Variants in RELB observed in about 807,000 individuals in gnomAD.
RELB encodes transcription factor RelB.
In RELB, 14 loss-of-function variants were observed where a neutral mutation model predicts 55.4. The observed-to-expected ratio is 0.25, with a 90% CI of 0.17 to 0.40. The LOEUF is 0.40. Ranked by LOEUF, RELB falls within the 10% of genes least tolerant of loss-of-function variation. The probability of loss-of-function intolerance (pLI) is 1.00; values close to 1 mark genes in which losing one functional copy is unlikely to be tolerated. For synonymous variants in RELB, 409 were observed against 371.3 expected, an observed-to-expected ratio of 1.10 and a Z score of -1.17; for missense variants, 669 against 830.7, an observed-to-expected ratio of 0.81 and a Z score of 2.39.
intron 2 of RELB, among the ~76,000 whole-genome samples, chr19:45,008,885 T>G (rs746322517): frequency 3.4e-4 from 52 of 152,226 alleles, no homozygotes; most frequent in Non-Finnish European, 6.2e-4. Flanking sequence ...TTTCGATTCC[T>G]CCACGATTCT....
chr19:45,009,822 GGTGA>G lies in RELB; in HGVS notation c.163+3_163+6del. On this transcript the variant is annotated splice_donor_variant and splice_donor_region_variant and intron_variant, in intron 3 of 11. Coordinates refer to ENST00000221452, the MANE Select transcript of RELB (RefSeq NM_006509.4). LOFTEE classifies it high-confidence loss of function. ...TTCTCTTCCTTCCACAGATGAATTGGGTGAGTATCACAGGGCAGGTTTGCGGGGA... is the reference window on the plus strand; with the variant it reads ...TTCTCTTCCTTCCACAGATGAATTGGGTATCACAGGGCAGGTTTGCGGGGA... 6.3e-7 allele frequency: 1 copy of G among 1,598,924 alleles called. No homozygotes were observed. The highest frequency in any genetic ancestry group is 8.5e-7 in the Non-Finnish European group (1 of 1,179,560).
At chr19:45,020,580 C>T (rs1238251979) in intron 4 of RELB, among the ~76,000 whole-genome samples, 4 of 92,968 alleles carry the variant, frequency 4.3e-5, no homozygotes, top group South Asian at 3.3e-4. Context: ...TTTTTTGAGA[C>T]GGAGTCTCGC....
intron 4 of RELB, among the ~76,000 whole-genome samples, chr19:45,018,320 C>T (rs1971445243): frequency 6.6e-6 from 1 of 152,002 alleles, no homozygotes; most frequent in Non-Finnish European, 1.5e-5. Context: ...AGGAGAATGG[C>T]GTGAACCCAG....
At position 45,025,696 on chromosome 19, in the gene RELB, G is replaced by T; in HGVS notation, c.845G>T (p.Arg282Leu). The change falls in exon 7 of 12, where the codon CGC becomes CTC. Residue 282 changes from arginine to leucine, a missense_variant. By Grantham distance (102) the Arg-to-Leu change is moderately radical. Around this residue, in one of 3 missense-constraint regions of RELB, gnomAD observed 341 missense variants for 436.8 expected, o/e 0.78. Coordinates refer to ENST00000221452, the MANE Select transcript of RELB (RefSeq NM_006509.4). ...ASYRDQQGQMRRMDPVLSEPV... is the reference protein window; with the variant it reads ...ASYRDQQGQMLRMDPVLSEPV... ...TATCGGGACCAGCAGGGACAGATGC[G>T]CCGGATGGATCCTGTGCTTTCCGAG... The T allele has an allele frequency of 6.2e-7, 1 of 1,613,996 alleles. No individual in the cohort carries two copies. Among genetic ancestry groups the T allele is most frequent in the Non-Finnish European group, 8.5e-7 (1 of 1,179,890 alleles).
chr19:45,031,072 A>G (rs1440966361), intron 8 of RELB, among the ~76,000 whole-genome samples: 1 of 152,200 alleles, frequency 6.6e-6, no homozygotes, highest in East Asian at 1.9e-4. Flanking sequence ...AAGTCTCAGT[A>G]CATGGAGGTA....
chr19:45,017,448 C>CAAAAAAAAAAA (rs1461588910), intron 4 of RELB, among the ~76,000 whole-genome samples: 1 of 16,692 alleles, frequency 6.0e-5, no homozygotes, highest in African/African-American at 5.7e-4. Flanking sequence ...GAGAATCTGT[C>CAAAAAAAAAAA]TAAAAAAAAA....
chr19:45,022,046 C>G lies in RELB; in HGVS notation c.505-7C>G, dbSNP rs762165224. ...GGGACCCCCAAAGAGGACTTCTCTT[C>G]CTGCAGCTCCGGGATTGTGGAGGGC... On this transcript the variant is annotated splice_region_variant and splice_polypyrimidine_tract_variant and intron_variant, in intron 4 of 11. Coordinates refer to ENST00000221452, the MANE Select transcript of RELB (RefSeq NM_006509.4). The G allele has an allele frequency of 6.2e-7, 1 of 1,603,930 alleles. No individual in the cohort carries two copies. Among genetic ancestry groups the G allele is most frequent in the Admixed American group, 1.7e-5 (1 of 58,946 alleles).
Position 45,022,139 on chromosome 19 carries a change from C to T in RELB, c.591C>T (p.Ser197=). 6.2e-7 allele frequency: 1 copy of T among 1,613,074 alleles called. No individual in the cohort carries two copies. Among genetic ancestry groups the T allele is most frequent in the Non-Finnish European group, 8.5e-7 (1 of 1,179,550 alleles). Reference sequence around the variant, plus strand: ...GGCCTCACCGAGTCCACCCCCACAGCCTCGTGGGGAAAGACTGCACCGACG... The same window carrying T: ...GGCCTCACCGAGTCCACCCCCACAGTCTCGTGGGGAAAGACTGCACCGACG... ...KDWPHRVHPH[S]LVGKDCTDGI... Residue 197 remains serine (S), a synonymous_variant, in exon 5 of 12, where the codon AGC becomes AGT. Transcript: ENST00000221452.
chr19:45,037,589 C>T lies in RELB; in HGVS notation c.1539C>T (p.Ser513=), dbSNP rs762430601. 3.1e-6 allele frequency: 5 copies of T among 1,611,144 alleles called. No individual in the cohort carries two copies. The South Asian group carries it at 4.4e-5, about 14-fold the overall frequency. The change falls in exon 12 of 12, where the codon AGC becomes AGT. Residue 513 remains serine (S), a synonymous_variant. Coordinates refer to ENST00000221452, the MANE Select transcript of RELB (RefSeq NM_006509.4). ...DLLPPAPPHA[S]AVVCSGGAGA... is the part of the protein sequence containing the mutation. ...TGCCCCCGGCACCGCCACACGCTAG[C>T]GCTGTTGTGTGCAGCGGAGGTGCCG...
At chr19:45,035,404 A>T (rs911445829) in intron 11 of RELB, among the ~76,000 whole-genome samples, 4 of 152,068 alleles carry the variant, frequency 2.6e-5, no homozygotes, top group Non-Finnish European at 5.9e-5. Context: ...CTGTAGTCCC[A>T]GCTACTTGGA....
intron 11 of RELB, among the ~76,000 whole-genome samples, chr19:45,036,870 A>G (rs1309739728): frequency 1.3e-5 from 2 of 152,044 alleles, no homozygotes; most frequent in Non-Finnish European, 2.9e-5. Context: ...TTTTGTAGAG[A>G]CAGGGTCTCG....
In RELB at chr19:45,010,481, A is replaced by G. The variant is rs145013465; in HGVS notation, c.163+659A>G. Among the ~76,000 whole-genome samples, 751 of 151,656 alleles carry G rather than the reference A, an allele frequency of 5.0e-3. 5 individuals carry two copies. Among genetic ancestry groups the G allele is most frequent in the African/African-American group, 0.016 (674 of 41,340 alleles). On this transcript the variant is annotated intron_variant, in intron 3 of 11. Coordinates refer to ENST00000221452, the MANE Select transcript of RELB (RefSeq NM_006509.4). Reference sequence around the variant, plus strand: ...AGAGGAAAATGAACAGATGAGCAAGATAATGTTAGCCTGGGCTGAGAGCTG... The same window carrying G: ...AGAGGAAAATGAACAGATGAGCAAGGTAATGTTAGCCTGGGCTGAGAGCTG...
intron 4 of RELB, 89 bp from the exon 5 acceptor site, chr19:45,021,964 T>A (rs1971494431): frequency 7.6e-7 from 1 of 1,312,074 alleles, no homozygotes; most frequent in East Asian, 2.6e-5. Context: ...GGGGAGAGGA[T>A]TGGGGAGCTG....
At chr19:45,032,375 C>A in intron 8 of RELB, 159 bp from the exon 9 acceptor site, 1 of 599,906 alleles carries the variant, frequency 1.7e-6, no homozygotes, top group Non-Finnish European at 3.0e-6. Context: ...GCTGAGATCG[C>A]GCCATTGCAC....
At chr19:45,013,976 C>T (rs1011160278) in intron 4 of RELB, among the ~76,000 whole-genome samples, 5 of 152,056 alleles carry the variant, frequency 3.3e-5, no homozygotes, top group African/African-American at 4.8e-5. Context: ...CATCAAGGGA[C>T]GTGGGATGTC....
chr19:45,034,923 T>C (rs1389676371), intron 11 of RELB, among the ~76,000 whole-genome samples: 1 of 151,608 alleles, frequency 6.6e-6, no homozygotes, highest in Non-Finnish European at 1.5e-5. Flanking sequence ...TCACTGCAAC[T>C]TCTGCCTCCT....
At chr19:45,007,772 C>G (rs1040584409) in intron 2 of RELB, among the ~76,000 whole-genome samples, 1 of 151,794 alleles carries the variant, frequency 6.6e-6, no homozygotes, top group Admixed American at 6.6e-5. Context: ...GCAGGAGAAT[C>G]GCTAGAACCC....
chr19:45,037,465 C>T lies in RELB; in HGVS notation c.1415C>T (p.Ser472Phe), dbSNP rs528893908. 9 of 1,609,280 alleles carry T rather than the reference C, an allele frequency of 5.6e-6. No individual in the cohort carries two copies. Among genetic ancestry groups the T allele is most frequent in the Admixed American group, 1.7e-5 (1 of 59,438 alleles). ...CCTGACTTCTTCTCTGGCACCGTGT[C>T]CCTGCCCGGCCTGGAGCCCCCTGGC... The part of the protein sequence containing the change: ...PDPDFFSGTV[S>F]LPGLEPPGGP... Residue 472 changes from serine (S) to phenylalanine (F), a missense_variant, in exon 12 of 12, where the codon TCC (serine) becomes TTC (phenylalanine). Coordinates refer to ENST00000221452, the MANE Select transcript of RELB (RefSeq NM_006509.4).
chr19:45,036,399 T>C (rs1971686544), intron 11 of RELB, among the ~76,000 whole-genome samples: 1 of 152,046 alleles, frequency 6.6e-6, no homozygotes, highest in Admixed American at 6.6e-5. Flanking sequence ...AATGAAACTT[T>C]TTGATTTGAT....
Sources: gnomAD v4.1 joint callset for allele counts (sites outside exome capture counted in the v4.1 genomes callset) on GRCh38, gnomAD v4.1.1 for gene constraint, gnomAD v4.1.1 regional missense constraint, MANE v1.5 for transcripts, NCBI Gene and HGNC (gene_info 2026-07-23, HGNC 2026-07-21) for gene names.